MED13: variants seen among roughly 807,000 people sequenced by gnomAD.
MED13 encodes mediator complex subunit 13.
MED13 carries 23 observed loss-of-function variants against 225.2 expected under a neutral mutation model. That is an observed-to-expected ratio of 0.10 (90% CI 0.07 to 0.14). The LOEUF (loss-of-function observed/expected upper bound fraction) is 0.14. Among genes scored for constraint, MED13 ranks in the 10% least tolerant of loss-of-function variants. The pLI is 1.00. For missense variants in MED13, 2,197 were observed against 2,594.5 expected, an observed-to-expected ratio of 0.85 and a Z score of 3.33; for synonymous variants, 942 against 889.2, an observed-to-expected ratio of 1.06 and a Z score of -1.06.
intron 28 of MED13, among the ~76,000 whole-genome samples, chr17:61,947,513 G>C (rs919204556): frequency 6.6e-6 from 1 of 152,184 alleles, no homozygotes; most frequent in South Asian, 2.1e-4. Flanking sequence ...TTAAACCTGA[G>C]TAGTCTGTCC....
rs60236710 is a variant in MED13 at position 62,008,016 on chromosome 17, C to CAAAAAAAAAAAAAAAAAAAA, written c.1967+2514_1967+2533dup. ...CCTGGAGGAAAGAGCGAGACTGTCT[C>CAAAAAAAAAAAAAAAAAAAA]AAAAAAAAAAAAAAAAAAAAGCTGT... On this transcript the variant is annotated intron_variant, in intron 9 of 29. Coordinates refer to ENST00000397786, the MANE Select transcript of MED13 (RefSeq NM_005121.3). Among the ~76,000 whole-genome samples, 118 of 50,504 alleles carry CAAAAAAAAAAAAAAAAAAAA rather than the reference C, an allele frequency of 2.3e-3. 11 individuals are homozygous for CAAAAAAAAAAAAAAAAAAAA. The highest frequency in any genetic ancestry group is 7.9e-3 in the African/African-American group (116 of 14,690). The allele number at this position is 50,504 out of a possible 152,430, so 33.1% of individuals were successfully genotyped here. A position where few individuals can be genotyped will look rare whatever the true frequency, so the allele number is the denominator to read the frequency against.
At chr17:62,011,732 G>C (rs906934683) in intron 8 of MED13, among the ~76,000 whole-genome samples, 6 of 152,184 alleles carry the variant, frequency 3.9e-5, no homozygotes, top group African/African-American at 1.4e-4. Flanking sequence ...AGTCTGGAAA[G>C]TGCTAGAATT....
At chr17:62,011,318 G>T in intron 8 of MED13, 85 bp from the exon 9 acceptor site, 3 of 1,136,862 alleles carry the variant, frequency 2.6e-6, no homozygotes, top group African/African-American at 1.6e-5. Flanking sequence ...TAGACACTTC[G>T]GTTATCATTT....
At chr17:62,048,737 A>C (rs2080925933) in intron 3 of MED13, among the ~76,000 whole-genome samples, 1 of 152,158 alleles carries the variant, frequency 6.6e-6, no homozygotes, top group Non-Finnish European at 1.5e-5. Context: ...AGCAGGTGAC[A>C]GAGCGTACAA....
chr17:61,990,121 C>T (rs186195173), intron 11 of MED13, among the ~76,000 whole-genome samples: 147 of 152,242 alleles, frequency 9.7e-4, no homozygotes, highest in African/African-American at 3.4e-3. Flanking sequence ...ACTTTGCCCA[C>T]ATCAAAAGTT....
chr17:62,050,943 T>C (rs1319249517), intron 3 of MED13, among the ~76,000 whole-genome samples: 1 of 152,182 alleles, frequency 6.6e-6, no homozygotes. Flanking sequence ...AAGCAGAGGT[T>C]GCAGTGAGCT....
chr17:61,955,302 AT>A, intron 26 of MED13, 79 bp downstream of exon 26: 1 of 1,197,176 alleles, frequency 8.4e-7, no homozygotes, highest in Non-Finnish European at 1.1e-6. Context: ...ACAAGGTAAC[AT>A]TCACACGTTT....
chr17:62,064,905 G>C (rs944975004), intron 1 of MED13, among the ~76,000 whole-genome samples: 1 of 152,214 alleles, frequency 6.6e-6, no homozygotes, highest in Admixed American at 6.5e-5. Flanking sequence ...CGGTGAGAAG[G>C]AGAGTCCGAA....
At chr17:62,062,455 C>T (rs1016006634) in intron 2 of MED13, among the ~76,000 whole-genome samples, 1 of 151,848 alleles carries the variant, frequency 6.6e-6, no homozygotes, top group Non-Finnish European at 1.5e-5. Flanking sequence ...CAAGTTGGCA[C>T]TTTTCTCTTA....
At chr17:62,043,502 T>G (rs548308121) in intron 3 of MED13, among the ~76,000 whole-genome samples, 3 of 152,208 alleles carry the variant, frequency 2.0e-5, no homozygotes, top group African/African-American at 7.2e-5. Flanking sequence ...GGATTCTTCT[T>G]GCCTTTGAGA....
In MED13 at chr17:62,025,416, C is replaced by A. The variant is rs182544265; in HGVS notation, c.1283+4125G>T. On this transcript the variant is annotated intron_variant, in intron 8 of 29. Coordinates refer to ENST00000397786, the MANE Select transcript of MED13 (RefSeq NM_005121.3). ...GGCATGGTGGCTCACACCTATAATC[C>A]CAACACTTTGGGAGGCCAAGGCAGA... 3.7e-3 allele frequency among the ~76,000 whole-genome samples: 565 copies of A among 152,198 alleles called. 2 individuals carry two copies. The highest frequency in any genetic ancestry group is 0.012 in the African/African-American group (513 of 41,526).
intron 20 of MED13, among the ~76,000 whole-genome samples, chr17:61,964,146 T>C (rs965253633): frequency 6.6e-6 from 1 of 152,240 alleles, no homozygotes; most frequent in Non-Finnish European, 1.5e-5. Flanking sequence ...TTGACAATTA[T>C]GCCACAGAAG....
chr17:61,987,535 T>C (rs918139501), intron 11 of MED13, among the ~76,000 whole-genome samples: 6 of 152,148 alleles, frequency 3.9e-5, no homozygotes, highest in African/African-American at 1.4e-4. Flanking sequence ...AAGGGGATTA[T>C]GCAACAAGAA....
intron 11 of MED13, among the ~76,000 whole-genome samples, chr17:61,987,507 A>G (rs1385635545): frequency 1.3e-5 from 2 of 152,156 alleles, no homozygotes; most frequent in African/African-American, 4.8e-5. Flanking sequence ...TAAATTAGAC[A>G]TATAACTTTA....
rs925854244 is a variant in MED13, at chr17:62,033,650, T to C, written c.814+137A>G. On this transcript the variant is annotated intron_variant, in intron 5 of 29. Transcript: ENST00000397786. ...CAGCTAAGATGCAGCCCTTAAGTAA[T>C]GTGGGCAGGAAATTAAGGAATAAAT... 13 of 779,788 alleles carry C rather than the reference T, an allele frequency of 1.7e-5. No individual in the cohort carries two copies. The Admixed American group carries it at 1.7e-4, about 10-fold the overall frequency. The allele number at this position is 779,788 out of a possible 1,614,324, so 48.3% of individuals were successfully genotyped here.
intron 2 of MED13, among the ~76,000 whole-genome samples, chr17:62,053,519 T>C (rs1001130413): frequency 6.6e-6 from 1 of 152,218 alleles, no homozygotes; most frequent in Non-Finnish European, 1.5e-5. Context: ...TTTTGTGTAC[T>C]CTATCCATTT....
intron 8 of MED13, 104 bp downstream of exon 8, chr17:62,029,437 C>T: frequency 1.3e-6 from 1 of 768,842 alleles, no homozygotes; most frequent in Non-Finnish European, 2.0e-6. Flanking sequence ...AAAAAAAATC[C>T]TGACATATGT....
intron 28 of MED13, among the ~76,000 whole-genome samples, chr17:61,948,811 G>A (rs1421824279): frequency 6.6e-6 from 1 of 151,248 alleles, no homozygotes; most frequent in African/African-American, 2.4e-5. Flanking sequence ...TCACGGCCGG[G>A]CGCGGTGGCT....
chr17:62,043,191 AAG>A (rs2080870373), intron 3 of MED13, among the ~76,000 whole-genome samples: 5 of 150,356 alleles, frequency 3.3e-5, no homozygotes, highest in African/African-American at 1.2e-4. Context: ...AAAAGAAAGA[AAG>A]AAAGAAAGAA....
Sources: allele counts gnomAD v4.1 joint callset (sites outside exome capture counted in the v4.1 genomes callset), GRCh38; gene constraint gnomAD v4.1.1; transcripts MANE v1.5; gene names NCBI Gene and HGNC (gene_info 2026-07-23, HGNC 2026-07-21).